MEF2A: variants seen among roughly 807,000 people sequenced by gnomAD.
MEF2A encodes myocyte-specific enhancer factor 2A.
A neutral mutation model predicts 55.8 loss-of-function variants in MEF2A; 28 were observed. The observed-to-expected ratio is 0.50, with a 90% CI of 0.37 to 0.69. The LOEUF (loss-of-function observed/expected upper bound fraction) is 0.69, where lower values mean the gene tolerates loss of function less well. MEF2A is among the 30% of genes least tolerant of loss of function. MEF2A has a pLI of 0.00. For missense variants in MEF2A, 528 were observed against 626.2 expected, an observed-to-expected ratio of 0.84 and a Z score of 1.67; for synonymous variants, 239 against 227.1, an observed-to-expected ratio of 1.05 and a Z score of -0.47.
In MEF2A at chr15:99,714,354, A is replaced by G. The variant is rs1328023774; in HGVS notation, c.*1583A>G. The G allele has an allele frequency of 6.6e-6, 1 of 152,248 alleles. No individual in the cohort carries two copies. Among genetic ancestry groups the G allele is most frequent in the East Asian group, 1.9e-4 (1 of 5,200 alleles). 9.4% of individuals were successfully genotyped at this position (152,248 alleles called of 1,614,324 possible). On this transcript the variant is annotated 3_prime_UTR_variant, in exon 12 of 12. Transcript: ENST00000557942. ...AATAGTAGATGAGCACAAAGGTTTT[A>G]TAAGTGGTAAATGATTAGGGGAAAA...
chr15:99,710,123 A>G (rs976164797), intron 10 of MEF2A, among the ~76,000 whole-genome samples: 8 of 152,240 alleles, frequency 5.3e-5, no homozygotes, highest in African/African-American at 1.9e-4. Context: ...TATTTGAATC[A>G]TCCCAGACAA....
chr15:99,699,058 A>T (rs928464805), intron 8 of MEF2A, among the ~76,000 whole-genome samples: 7 of 141,978 alleles, frequency 4.9e-5, no homozygotes, highest in East Asian at 2.0e-4. Context: ...CTTAAAAATT[A>T]AAAAAAAAAA....
At chr15:99,634,432 T>G (rs916128248) in intron 3 of MEF2A, among the ~76,000 whole-genome samples, 1 of 152,150 alleles carries the variant, frequency 6.6e-6, no homozygotes, top group East Asian at 1.9e-4. Context: ...GCAAATTATC[T>G]TCCCTTCACA....
chr15:99,645,620 C>G lies in MEF2A; in HGVS notation c.114C>G (p.Leu38=). The G allele has an allele frequency of 1.2e-6, 2 of 1,613,736 alleles. No homozygotes were observed. Among genetic ancestry groups the G allele is most frequent in the South Asian group, 1.1e-5 (1 of 91,074 alleles). Residue 38 remains leucine, a synonymous_variant, in exon 4 of 12, where the codon CTC becomes CTG. Transcript: ENST00000557942. Reference sequence around the variant, plus strand: ...AGAAAGCCTATGAACTTAGTGTGCTCTGTGACTGTGAAATAGCACTCATCA... The same window carrying G: ...AGAAAGCCTATGAACTTAGTGTGCTGTGTGACTGTGAAATAGCACTCATCA... ...LMKKAYELSV[L]CDCEIALIIF...
chr15:99,582,281 G>GA (rs1966163793), intron 1 of MEF2A, among the ~76,000 whole-genome samples: 1 of 152,094 alleles, frequency 6.6e-6, no homozygotes, highest in African/African-American at 2.4e-5. Context: ...TTGATTGTTT[G>GA]AAGGGAATTG....
intron 4 of MEF2A, among the ~76,000 whole-genome samples, chr15:99,664,011 G>A (rs1016719393): frequency 1.3e-5 from 2 of 152,128 alleles, no homozygotes; most frequent in African/African-American, 2.4e-5. Context: ...ATGATAGGAC[G>A]TATGACTTTA....
chr15:99,674,306 A>C, intron 5 of MEF2A, 87 bp from the exon 6 acceptor site: 1 of 1,207,432 alleles, frequency 8.3e-7, no homozygotes, highest in Admixed American at 2.1e-5. Context: ...TAGTAACTTG[A>C]GTTACCTTGC....
rs377574601 is a variant in MEF2A at position 99,583,218 on chromosome 15, A to G, written c.-224-15212A>G. The stretch of plus-strand genomic sequence containing the variant: ...AGATTAGATTGGTAGTTGGTATTAT[A>G]CTGCTGGATTCTATTTCATTTCTCT... On this transcript the variant is annotated intron_variant, in intron 1 of 11. Coordinates refer to ENST00000557942, the MANE Select transcript of MEF2A (RefSeq NM_001319206.4). 1.9e-4 allele frequency among the ~76,000 whole-genome samples: 29 copies of G among 152,250 alleles called. No homozygotes were observed. The South Asian group carries it at 6.0e-3, about 32-fold the overall frequency.
intron 4 of MEF2A, among the ~76,000 whole-genome samples, chr15:99,662,150 A>C (rs756565069): frequency 1.3e-5 from 2 of 152,196 alleles, no homozygotes; most frequent in Non-Finnish European, 1.5e-5. Flanking sequence ...GGATGGTATT[A>C]ACTGTAAAGG....
At position 99,712,705 on chromosome 15, in the gene MEF2A, C is replaced by T. The variant is rs2153833441; in HGVS notation, c.1452C>T (p.Pro484=). The part of the protein sequence containing the change: ...DFHSPIVLGR[P]PNTEDRESPS... ...ATTCTCCAATTGTGCTTGGCCGACC[C>T]CCAAACACTGAGGACAGAGAAAGCC... The change falls in exon 12 of 12, where the codon CCC becomes CCT. Residue 484 remains proline (P), a synonymous_variant. Transcript: ENST00000557942. The surrounding 1 kb of genome is among the most constrained non-coding windows in gnomAD (Gnocchi z 4.1). 1 of 1,565,020 alleles carries T rather than the reference C, an allele frequency of 6.4e-7. No individual in the cohort carries two copies.
chr15:99,658,389 A>G (rs1567347742), intron 4 of MEF2A, among the ~76,000 whole-genome samples: 1 of 152,208 alleles, frequency 6.6e-6, no homozygotes, highest in Non-Finnish European at 1.5e-5. Flanking sequence ...ATTCAATGCA[A>G]ATATTAAAAG....
At chr15:99,670,513 G>A (rs2050658114) in intron 4 of MEF2A, among the ~76,000 whole-genome samples, 1 of 152,154 alleles carries the variant, frequency 6.6e-6, no homozygotes, top group Non-Finnish European at 1.5e-5. Flanking sequence ...GGGAGGCTGA[G>A]GCAGGAGAAT....
intron 3 of MEF2A, among the ~76,000 whole-genome samples, chr15:99,640,169 G>T (rs2044621112): frequency 6.6e-6 from 1 of 152,060 alleles, no homozygotes; most frequent in Non-Finnish European, 1.5e-5. Flanking sequence ...ATATCTTTCA[G>T]ATAACTCTCA....
chr15:99,640,241 T>C (rs560358580), intron 3 of MEF2A, among the ~76,000 whole-genome samples: 5 of 152,244 alleles, frequency 3.3e-5, no homozygotes, highest in African/African-American at 9.6e-5. Context: ...TTGAGACTTA[T>C]CAATAATTGT....
chr15:99,648,294 G>T (rs185051557), intron 4 of MEF2A, among the ~76,000 whole-genome samples: 89 of 152,154 alleles, frequency 5.8e-4, no homozygotes, highest in Non-Finnish European at 8.7e-4. Flanking sequence ...TATGTGCTTT[G>T]CAAGTTGATC....
intron 1 of MEF2A, among the ~76,000 whole-genome samples, chr15:99,592,673 G>T (rs1455066800): frequency 6.6e-6 from 1 of 152,112 alleles, no homozygotes; most frequent in Admixed American, 6.5e-5. Flanking sequence ...TTGTCACATG[G>T]TAAGAGGAGA....
chr15:99,686,542 G>A (rs1235768372), intron 7 of MEF2A, among the ~76,000 whole-genome samples: 1 of 152,152 alleles, frequency 6.6e-6, no homozygotes, highest in Admixed American at 6.5e-5. Flanking sequence ...CTAAAGATAG[G>A]ACCCCAATCT....
intron 3 of MEF2A, among the ~76,000 whole-genome samples, chr15:99,641,653 G>A (rs2044981577): frequency 6.6e-6 from 1 of 152,064 alleles, no homozygotes; most frequent in Non-Finnish European, 1.5e-5. Context: ...AACTCGGGAG[G>A]CGGAGCTTGC....
At position 99,644,465 on chromosome 15, in the gene MEF2A, C is replaced by T. The variant is rs1364984314; in HGVS notation, c.55-1096C>T. On this transcript the variant is annotated intron_variant, in intron 3 of 11. Transcript: ENST00000557942. Reference sequence around the variant, plus strand: ...TGAAAGAGGATATTAAAGTCATGCCCGTGAAAAAAATTTCTAGTGGTAGTA... The same window carrying T: ...TGAAAGAGGATATTAAAGTCATGCCTGTGAAAAAAATTTCTAGTGGTAGTA... Among the ~76,000 whole-genome samples the T allele has an allele frequency of 3.9e-5, 6 of 152,076 alleles. 1 individual carries two copies. The highest frequency in any genetic ancestry group is 2.4e-5 in the African/African-American group (1 of 41,412).
Sources: allele counts gnomAD v4.1 joint callset (sites outside exome capture counted in the v4.1 genomes callset), GRCh38; gene constraint gnomAD v4.1.1; non-coding constraint Gnocchi (gnomAD v3.1); transcripts MANE v1.5; gene names NCBI Gene and HGNC (gene_info 2026-07-23, HGNC 2026-07-21).